BCAS3: variants seen among roughly 807,000 people sequenced by gnomAD.
BCAS3 encodes the protein BCAS4/BCAS3 fusion.
A neutral mutation model predicts 116.1 loss-of-function variants in BCAS3; 53 were observed. The ratio of observed to expected loss-of-function variants is 0.46; its 90% CI spans 0.37 to 0.57. The LOEUF (loss-of-function observed/expected upper bound fraction) is 0.57, where lower values mean the gene tolerates loss of function less well. Among genes scored for constraint, BCAS3 ranks in the 20% least tolerant of loss-of-function variants. BCAS3 has a pLI of 0.00. For missense variants in BCAS3, 917 were observed against 1,165.4 expected, an observed-to-expected ratio of 0.79 and a Z score of 3.10; for synonymous variants, 391 against 408.2, an observed-to-expected ratio of 0.96 and a Z score of 0.51.
chr17:60,820,547 A>C (rs770918540), intron 7 of BCAS3, among the ~76,000 whole-genome samples: 8 of 152,242 alleles, frequency 5.3e-5, no homozygotes, highest in Non-Finnish European at 1.2e-4. Context: ...ATTTCACACT[A>C]AAATGGATAG....
chr17:60,996,887 A>G (rs1452427251), intron 15 of BCAS3, among the ~76,000 whole-genome samples: 1 of 152,048 alleles, frequency 6.6e-6, no homozygotes, highest in East Asian at 1.9e-4. Context: ...AATGTGTTAA[A>G]TTCTACTGAC....
At chr17:61,328,497 T>C (rs568428236) in intron 22 of BCAS3, among the ~76,000 whole-genome samples, 1 of 152,342 alleles carries the variant, frequency 6.6e-6, no homozygotes, top group East Asian at 1.9e-4. Flanking sequence ...CTGGGCACAG[T>C]GGCTCACACC....
At chr17:60,859,720 G>A (rs1213576323) in intron 7 of BCAS3, among the ~76,000 whole-genome samples, 1 of 151,574 alleles carries the variant, frequency 6.6e-6, no homozygotes, top group Admixed American at 6.6e-5. Context: ...AGGTGTGCAC[G>A]ACCACGCCCA....
In BCAS3 at chr17:61,281,774, C is replaced by T. The variant is rs563506803; in HGVS notation, c.2426-86553C>T. ...CAAGTTTGTCAGTATCTTTGCCATA[C>T]AAATTTTAAATTTTATGTGTTTATC... On this transcript the variant is annotated intron_variant, in intron 22 of 23. Transcript: ENST00000407086. This position sits in a 1 kb window ranked among gnomAD's most constrained non-coding sequence, Gnocchi z 4.2. Among the ~76,000 whole-genome samples, 303 of 152,088 alleles carry T rather than the reference C, an allele frequency of 2.0e-3. 2 individuals carry two copies. Among genetic ancestry groups the T allele is most frequent in the African/African-American group, 7.2e-3 (298 of 41,514 alleles).
At position 61,105,025 on chromosome 17, in the gene BCAS3, G is replaced by A. The variant is rs748092129; in HGVS notation, c.2425+20461G>A. Among the ~76,000 whole-genome samples, 1 of 152,190 alleles carries A rather than the reference G, an allele frequency of 6.6e-6. No homozygotes were observed. The highest frequency in any genetic ancestry group is 2.4e-5 in the African/African-American group (1 of 41,430). On this transcript the variant is annotated intron_variant, in intron 22 of 23. Transcript: ENST00000407086. The surrounding 1 kb of genome is among the most constrained non-coding windows in gnomAD (Gnocchi z 4.3). ...TACATACTTCAGGTAACCTCCGTGG[G>A]TTTCCTCACTGCTGTTGGCTCAGCT...
At chr17:60,928,629 T>G (rs908860872) in intron 13 of BCAS3, among the ~76,000 whole-genome samples, 1 of 152,206 alleles carries the variant, frequency 6.6e-6, no homozygotes, top group Non-Finnish European at 1.5e-5. Flanking sequence ...GCTTTGAGTA[T>G]TTTTGCTGTT....
chr17:60,795,274 G>A (rs942432877), intron 6 of BCAS3, among the ~76,000 whole-genome samples: 27 of 152,012 alleles, frequency 1.8e-4, no homozygotes, highest in African/African-American at 2.4e-5. Flanking sequence ...TTTTATATCC[G>A]GAAACTTTGC....
intron 4 of BCAS3, among the ~76,000 whole-genome samples, chr17:60,690,307 C>A (rs2034638099): frequency 6.6e-6 from 1 of 152,214 alleles, no homozygotes; most frequent in Non-Finnish European, 1.5e-5. Flanking sequence ...TAGTGGCTCA[C>A]ACCAGTAATC....
intron 7 of BCAS3, among the ~76,000 whole-genome samples, chr17:60,848,058 A>G (rs1336078444): frequency 6.6e-6 from 1 of 152,210 alleles, no homozygotes; most frequent in South Asian, 2.1e-4. Context: ...AATTTACTGA[A>G]GAGACTGTCC....
At chr17:60,770,549 G>T (rs1053297579) in intron 6 of BCAS3, among the ~76,000 whole-genome samples, 5 of 150,790 alleles carry the variant, frequency 3.3e-5, no homozygotes, top group African/African-American at 1.2e-4. Context: ...CTCCCGAGTA[G>T]CTGGGATTAC....
intron 3 of BCAS3, among the ~76,000 whole-genome samples, chr17:60,688,549 C>T (rs949727212): frequency 1.4e-4 from 21 of 152,020 alleles, no homozygotes; most frequent in Admixed American, 6.6e-5. Flanking sequence ...CATGGTGGCT[C>T]ACCTGTGTAA....
In BCAS3 at chr17:61,286,300, T is replaced by A. The variant is rs566459251; in HGVS notation, c.2426-82027T>A. ...TCCTCTTGCTTCTGAGTTCTCTGAA[T>A]CTGCATTTGAAAGTTATCGTGAGCA... On this transcript the variant is annotated intron_variant, in intron 22 of 23. Coordinates refer to ENST00000407086, the MANE Select transcript of BCAS3 (RefSeq NM_017679.5). The surrounding 1 kb of genome is among the most constrained non-coding windows in gnomAD (Gnocchi z 4.8). Among the ~76,000 whole-genome samples, 20 of 152,344 alleles carry A rather than the reference T, an allele frequency of 1.3e-4. No individual in the cohort carries two copies. Among genetic ancestry groups the A allele is most frequent in the African/African-American group, 4.8e-4 (20 of 41,578 alleles).
At chr17:60,696,008 C>G (rs2035545828) in intron 4 of BCAS3, among the ~76,000 whole-genome samples, 1 of 152,204 alleles carries the variant, frequency 6.6e-6, no homozygotes, top group African/African-American at 2.4e-5. Context: ...GTTTGCATCT[C>G]TTCTTTGACT....
Position 61,130,129 on chromosome 17 carries a change from A to G in BCAS3, c.2425+45565A>G, listed in dbSNP as rs2076253141. ...TAATGACATCTGTCCAGTTGTTGTA[A>G]TCACATATTTGGTGGACAGCTAAAA... On this transcript the variant is annotated intron_variant, in intron 22 of 23. Transcript: ENST00000407086. The surrounding 1 kb of genome is among the most constrained non-coding windows in gnomAD (Gnocchi z 5.0). Among the ~76,000 whole-genome samples the G allele has an allele frequency of 6.6e-6, 1 of 152,190 alleles. No individual in the cohort carries two copies. The highest frequency in any genetic ancestry group is 2.4e-5 in the African/African-American group (1 of 41,462).
At position 60,874,759 on chromosome 17, in the gene BCAS3, C is replaced by A. The variant is rs745854936; in HGVS notation, c.661+21C>A. 2.0e-6 allele frequency: 3 copies of A among 1,524,654 alleles called. No individual in the cohort carries two copies. The Admixed American group carries it at 5.1e-5, about 26-fold the overall frequency. 94.4% of individuals were successfully genotyped at this position (1,524,654 alleles called of 1,614,324 possible). A position where few individuals can be genotyped will look rare whatever the true frequency, so the allele number is the denominator to read the frequency against. On this transcript the variant is annotated intron_variant, in intron 9 of 23. Coordinates refer to ENST00000407086, the MANE Select transcript of BCAS3 (RefSeq NM_017679.5). Reference sequence around the variant, plus strand: ...TACAAGTATGTACCAATTTTTTTTCCCTTCTTATGCCTTTGGGTTTATACT... The same window carrying A: ...TACAAGTATGTACCAATTTTTTTTCACTTCTTATGCCTTTGGGTTTATACT...
intron 14 of BCAS3, among the ~76,000 whole-genome samples, chr17:60,976,216 G>A (rs538911391): frequency 2.7e-5 from 4 of 150,648 alleles, no homozygotes; most frequent in East Asian, 2.0e-4. Context: ...AGTAGAGATC[G>A]GGTTTCACCG....
At chr17:60,788,761 G>A (rs2144527752) in intron 6 of BCAS3, among the ~76,000 whole-genome samples, 1 of 152,032 alleles carries the variant, frequency 6.6e-6, no homozygotes, top group Non-Finnish European at 1.5e-5. Flanking sequence ...TTCCTGTTTA[G>A]ATAAATGAGA....
intron 7 of BCAS3, among the ~76,000 whole-genome samples, chr17:60,863,579 T>TA (rs1475494931): frequency 6.6e-6 from 1 of 151,740 alleles, no homozygotes; most frequent in African/African-American, 2.4e-5. Context: ...AGGCACTGTC[T>TA]AAAAAAATAA....
chr17:60,901,038 G>A (rs773902128), intron 10 of BCAS3, among the ~76,000 whole-genome samples: 3 of 151,646 alleles, frequency 2.0e-5, no homozygotes, highest in East Asian at 1.9e-4. Context: ...GGGAAACCTC[G>A]TCTCTACTAA....
Sources: allele counts gnomAD v4.1 joint callset (sites outside exome capture counted in the v4.1 genomes callset), GRCh38; gene constraint gnomAD v4.1.1; non-coding constraint Gnocchi (gnomAD v3.1); transcripts MANE v1.5; gene names NCBI Gene and HGNC (gene_info 2026-07-23, HGNC 2026-07-21).